Variants in AGRN observed in about 807,000 individuals in gnomAD.
The protein encoded by AGRN is agrin.
AGRN carries 106 observed loss-of-function variants against 211.0 expected under a neutral mutation model. The ratio of observed to expected loss-of-function variants is 0.50; its 90% CI spans 0.43 to 0.59. AGRN has a LOEUF of 0.59. Ranked by LOEUF, AGRN falls within the 20% of genes least tolerant of loss-of-function variation. AGRN has a pLI of 0.00. For missense variants in AGRN, 3,040 were observed against 2,982.6 expected (o/e 1.02, Z -0.45); for synonymous variants, 1,525 against 1,332.5 (o/e 1.14, Z -3.15).
chr1:1,042,130 G>C lies in AGRN; in HGVS notation c.1352G>C (p.Arg451Pro). Residue 451 changes from arginine (R) to proline (P), a missense_variant, in exon 7 of 36, where the codon CGT becomes CCT. Around this residue, in one of 3 missense-constraint regions of AGRN, gnomAD observed 1,498 missense variants for 1,457.8 expected, o/e 1.03. Coordinates refer to ENST00000379370, the MANE Select transcript of AGRN (RefSeq NM_198576.4). ...CAGCAGGCTGAGTGCCGGCAGCAGCGTGCCATCCCCAGCAAGCACCAGGGC... is the reference window on the plus strand; with the variant it reads ...CAGCAGGCTGAGTGCCGGCAGCAGCCTGCCATCCCCAGCAAGCACCAGGGC... ...WRQQAECRQQRAIPSKHQGPC... is the reference protein window; with the variant it reads ...WRQQAECRQQPAIPSKHQGPC... The C allele has an allele frequency of 6.3e-7, 1 of 1,599,978 alleles. No individual in the cohort carries two copies. Among genetic ancestry groups the C allele is most frequent in the Non-Finnish European group, 8.5e-7 (1 of 1,177,920 alleles).
chr1:1,054,596 T>C (rs768041745), intron 35 of AGRN, 45 bp downstream of exon 35: 2 of 1,550,712 alleles, frequency 1.3e-6, no homozygotes, highest in South Asian at 1.2e-5. Flanking sequence ...AAGGGTCTCA[T>C]GATATCCGAG....
chr1:1,034,226 C>T (rs1351570090), intron 2 of AGRN: 2 of 985,314 alleles, frequency 2.0e-6, no homozygotes, highest in Non-Finnish European at 1.2e-6. Context: ...CCGGGGGCTC[C>T]GGGAAGACCG....
Position 1,050,744 on chromosome 1 carries a change from C to A in AGRN, c.5160C>A (p.Thr1720=). 1 of 1,603,056 alleles carries A rather than the reference C, an allele frequency of 6.2e-7. No individual in the cohort carries two copies. The highest frequency in any genetic ancestry group is 2.2e-4 in the Middle Eastern group (1 of 4,620). The stretch of plus-strand genomic sequence containing the variant: ...TCACCAGGAGCAGGGAGCCAGTCAC[C>A]CTGGGAGCCTGGACCAGGGTCTCAC... The part of the protein sequence containing the change: ...AAVIRSREPV[T]LGAWTRVSLE... Residue 1720 remains threonine (T), a synonymous_variant, in exon 30 of 36, where the codon ACC becomes ACA. Transcript: ENST00000379370.
In AGRN at chr1:1,046,028, G is replaced by C; in HGVS notation, c.2745G>C (p.Glu915Asp). 1 of 1,614,042 alleles carries C rather than the reference G, an allele frequency of 6.2e-7. No individual in the cohort carries two copies. The highest frequency in any genetic ancestry group is 8.5e-7 in the Non-Finnish European group (1 of 1,180,020). Reference sequence around the variant, plus strand: ...AGTTCGGTGCGCGGTGCGTGGAGGAGTCTGGCTCAGCCCACTGTGTCTGCC... The same window carrying C: ...AGTTCGGTGCGCGGTGCGTGGAGGACTCTGGCTCAGCCCACTGTGTCTGCC... ...RCEFGARCVE[E>D]SGSAHCVCPM... The change falls in exon 16 of 36, where the codon GAG becomes GAC. Residue 915 changes from glutamate (E) to aspartate (D), a missense_variant. This residue lies in a region of AGRN where 1,498 missense variants were observed against 1,457.8 expected (regional missense o/e 1.03). Transcript: ENST00000379370.
intron 2 of AGRN, chr1:1,034,824 G>A: frequency 1.6e-6 from 1 of 640,864 alleles, no homozygotes; most frequent in Non-Finnish European, 2.0e-6. Context: ...GGATGGGATG[G>A]GTCACTCTGC....
At position 1,046,459 on chromosome 1, in the gene AGRN, C is replaced by G. The variant is rs1403025047; in HGVS notation, c.2974C>G (p.Leu992Val). The change falls in exon 18 of 36, where the codon CTC becomes GTC. Residue 992 changes from leucine to valine, a missense_variant. By Grantham distance (32) the Leu-to-Val change is conservative. This residue lies in a region of AGRN where 5 missense variants were observed against 19.7 expected (regional missense o/e 0.25). Transcript: ENST00000379370. Reference protein sequence around the residue: ...ASVTVTTPGLLLSQALPAPPG... With the variant: ...ASVTVTTPGLVLSQALPAPPG... The stretch of plus-strand genomic sequence containing the variant: ...CGTGACTGTGACCACCCCAGGGCTC[C>G]TCCTGAGCCAGGCACTGCCGGCCCC... 1 of 1,612,230 alleles carries G rather than the reference C, an allele frequency of 6.2e-7. No individual in the cohort carries two copies. Among genetic ancestry groups the G allele is most frequent in the African/African-American group, 1.3e-5 (1 of 74,898 alleles).
At position 1,047,328 on chromosome 1, in the gene AGRN, C is replaced by T; in HGVS notation, c.3390C>T (p.Ala1130=). 1 of 1,601,474 alleles carries T rather than the reference C, an allele frequency of 6.2e-7. No individual in the cohort carries two copies. The highest frequency in any genetic ancestry group is 2.2e-5 in the East Asian group (1 of 44,760). Residue 1130 remains alanine (A), a splice_region_variant and synonymous_variant, in exon 20 of 36, where the codon GCC becomes GCT. Transcript: ENST00000379370. ...GGCCTCACTGTACCTCCCCCACAGCCACCAAGGTGTTCCAGGGCGTCCTGG... is the reference window on the plus strand; with the variant it reads ...GGCCTCACTGTACCTCCCCCACAGCTACCAAGGTGTTCCAGGGCGTCCTGG... ...SLDAEGSNCP[A]TKVFQGVLEL...
intron 2 of AGRN, chr1:1,034,709 T>C: frequency 1.0e-6 from 1 of 996,690 alleles, no homozygotes; most frequent in Non-Finnish European, 1.2e-6. Flanking sequence ...CAACTGTAGG[T>C]GGCCGCGGGC....
At chr1:1,050,191 C>A (rs1274945696) in intron 27 of AGRN, 42 bp from the exon 28 acceptor site, 2 of 1,609,008 alleles carry the variant, frequency 1.2e-6, no homozygotes, top group African/African-American at 2.7e-5. Flanking sequence ...GTGCAGGAGG[C>A]CCCGGGGGTC....
rs766920385 is a variant in AGRN, at chr1:1,046,631, C to T, written c.3146C>T (p.Ala1049Val). Residue 1049 changes from alanine to valine, a missense_variant, in exon 18 of 36, where the codon GCA (alanine) becomes GTA (valine). Ala to Val is a moderately conservative substitution (Grantham distance 64). Coordinates refer to ENST00000379370, the MANE Select transcript of AGRN (RefSeq NM_198576.4). ...GTGCCCCCCACGGCACCCTCCCCTG[C>T]ACCCAGCCTGGTGGCGTCCGCCTTT... ...LTVPPTAPSPAPSLVASAFGE... is the reference protein window; with the variant it reads ...LTVPPTAPSPVPSLVASAFGE... 1.2e-6 allele frequency: 2 copies of T among 1,600,800 alleles called. No homozygotes were observed. The highest frequency in any genetic ancestry group is 4.5e-5 in the East Asian group (2 of 44,812).
At chr1:1,021,610 C>G (rs1279862497) in intron 1 of AGRN, among the ~76,000 whole-genome samples, 1 of 152,262 alleles carries the variant, frequency 6.6e-6, no homozygotes, top group Non-Finnish European at 1.5e-5. Flanking sequence ...GCCTTTACCA[C>G]AGGCCACCGT....
intron 2 of AGRN, among the ~76,000 whole-genome samples, chr1:1,025,678 C>T (rs547284373): frequency 2.0e-5 from 3 of 152,104 alleles, no homozygotes; most frequent in African/African-American, 2.4e-5. Context: ...GGTCTGGGCT[C>T]GAGGCTGCTG....
intron 27 of AGRN, 58 bp downstream of exon 27, chr1:1,050,095 G>T (rs1340531289): frequency 1.3e-6 from 2 of 1,560,596 alleles, no homozygotes; most frequent in East Asian, 2.3e-5. Context: ...GTTTGGGCGG[G>T]TACAGGTTCC....
intron 33 of AGRN, chr1:1,053,485 C>G: frequency 6.6e-7 from 1 of 1,511,036 alleles, no homozygotes; most frequent in Non-Finnish European, 8.9e-7. Flanking sequence ...ATTCCGGGGC[C>G]CTTCACAGGT....
At chr1:1,045,602 T>A in intron 14 of AGRN, 79 bp downstream of exon 14, 1 of 1,604,060 alleles carries the variant, frequency 6.2e-7, no homozygotes. Context: ...TCTCCTCACC[T>A]GCCCAGGCCC....
chr1:1,042,620 C>T (rs1019388680), intron 7 of AGRN, among the ~76,000 whole-genome samples: 6 of 152,172 alleles, frequency 3.9e-5, no homozygotes, highest in African/African-American at 1.2e-4. Context: ...ATCTTCTGGT[C>T]TTTCTCTCTG....
At position 1,047,346 on chromosome 1, in the gene AGRN, C is replaced by T. The variant is rs754629991; in HGVS notation, c.3408C>T (p.Gly1136=). The change falls in exon 20 of 36, where the codon GGC becomes GGT. Residue 1136 remains glycine (G), a synonymous_variant. Coordinates refer to ENST00000379370, the MANE Select transcript of AGRN (RefSeq NM_198576.4). ...SNCPATKVFQ[G]VLELEGVEGQ... ...CCACAGCCACCAAGGTGTTCCAGGG[C>T]GTCCTGGAGCTGGAGGGCGTCGAGG... The T allele has an allele frequency of 1.9e-6, 3 of 1,606,166 alleles. No individual in the cohort carries two copies. Among genetic ancestry groups the T allele is most frequent in the Non-Finnish European group, 1.7e-6 (2 of 1,176,666 alleles).
At position 1,053,792 on chromosome 1, in the gene AGRN, G is replaced by T. The variant is rs1333054528; in HGVS notation, c.5691G>T (p.Leu1897=). 2 of 1,610,468 alleles carry T rather than the reference G, an allele frequency of 1.2e-6. No individual in the cohort carries two copies. The highest frequency in any genetic ancestry group is 1.7e-4 in the Middle Eastern group (1 of 6,000). Reference sequence around the variant, plus strand: ...AGAGCAACCACTTTGAACTGAGCCTGCGCACTGAGGCCACGCAGGGGCTGG... The same window carrying T: ...AGAGCAACCACTTTGAACTGAGCCTTCGCACTGAGGCCACGCAGGGGCTGG... ...ALQSNHFELS[L]RTEATQGLVL... The change falls in exon 34 of 36, where the codon CTG becomes CTT. Residue 1897 remains leucine (L), a synonymous_variant. Coordinates refer to ENST00000379370, the MANE Select transcript of AGRN (RefSeq NM_198576.4).
In AGRN at chr1:1,043,121, T is replaced by C. The variant is rs971836344; in HGVS notation, c.1385-118T>C. 2.5e-5 allele frequency: 29 copies of C among 1,151,382 alleles called. No homozygotes were observed. The East Asian group carries it at 6.9e-4, about 28-fold the overall frequency. 71.3% of individuals were successfully genotyped at this position (1,151,382 alleles called of 1,614,324 possible). ...TGCTGTGCATCTGGCCCTTCTCCTG[T>C]GTTCTCTCTTCCTCCACCATCCCCT... On this transcript the variant is annotated intron_variant, in intron 7 of 35. Transcript: ENST00000379370.
Sources: allele counts gnomAD v4.1 joint callset (sites outside exome capture counted in the v4.1 genomes callset), GRCh38; gene constraint gnomAD v4.1.1; regional missense constraint gnomAD v4.1.1; transcripts MANE v1.5; gene names NCBI Gene and HGNC (gene_info 2026-07-23, HGNC 2026-07-21).